The following COL21A1 variants were observed in gnomAD, a reference collection of about 807,000 sequenced individuals.
The protein encoded by COL21A1 is collagen type XXI alpha 1 chain, also known as collagen alpha-1(XXI) chain.
A neutral mutation model predicts 137.9 loss-of-function variants in COL21A1; 149 were observed. The observed-to-expected ratio is 1.08, with a 90% CI of 0.95 to 1.24. The LOEUF is 1.24. Among genes scored for constraint, COL21A1 ranks in the 50% most tolerant of loss-of-function variants. COL21A1 has a pLI of 0.00. For synonymous variants in COL21A1, 456 were observed against 391.5 expected, an observed-to-expected ratio of 1.16 and a Z score of -1.95; for missense variants, 1,167 against 1,158.4, an observed-to-expected ratio of 1.01 and a Z score of -0.11.
intron 16 of COL21A1, among the ~76,000 whole-genome samples, chr6:56,121,772 T>C (rs1399872444): frequency 6.6e-6 from 1 of 151,806 alleles, no homozygotes; most frequent in Non-Finnish European, 1.5e-5. Context: ...TATGCTGCAC[T>C]TTCCATTCAA....
At chr6:56,341,256 C>G (rs952045598) in intron 1 of COL21A1, among the ~76,000 whole-genome samples, 91 of 152,066 alleles carry the variant, frequency 6.0e-4, no homozygotes, top group African/African-American at 1.9e-3. Flanking sequence ...ACAGAAAATC[C>G]AAGAAATTTT....
At position 56,325,932 on chromosome 6, in the gene COL21A1, A is replaced by G. The variant is rs71550512; in HGVS notation, c.-39+68039T>C. Among the ~76,000 whole-genome samples the G allele has an allele frequency of 7.1e-5, 4 of 56,432 alleles. 1 individual carries two copies. Among genetic ancestry groups the G allele is most frequent in the Admixed American group, 8.3e-4 (2 of 2,420 alleles). The allele number at this position is 56,432 out of a possible 152,430, so 37.0% of individuals were successfully genotyped here. On this transcript the variant is annotated intron_variant, in intron 1 of 28. Transcript: ENST00000370819. ...ATAATATATATTATATAATATATAT[A>G]ATATATATTATATATTATATAATAT...
intron 10 of COL21A1, among the ~76,000 whole-genome samples, chr6:56,144,849 T>C (rs1582474261): frequency 6.6e-6 from 1 of 152,346 alleles, no homozygotes; most frequent in African/African-American, 2.4e-5. Flanking sequence ...TGTTTGCCCT[T>C]CCTTTTACTT....
chr6:56,124,041 T>C, intron 16 of COL21A1, 21 bp downstream of exon 16: 2 of 983,538 alleles, frequency 2.0e-6, no homozygotes, highest in Non-Finnish European at 1.3e-6. Context: ...GTTTTGTCCT[T>C]TTTTTTTTTT....
At position 56,182,585 on chromosome 6, in the gene COL21A1, A is replaced by G; in HGVS notation, c.34T>C (p.Leu12=). 6.2e-7 allele frequency: 1 copy of G among 1,605,982 alleles called. No homozygotes were observed. Among genetic ancestry groups the G allele is most frequent in the South Asian group, 1.1e-5 (1 of 89,616 alleles). Residue 12 remains leucine, a synonymous_variant, in exon 2 of 30, where the codon TTG becomes CTG. Transcript: ENST00000244728. ...ACAGAATTCTGAAGAAGCAGCACCA[A>G]AACCATGCAGAGAAATGTAATATAG... ...AHYITFLCMV[L]VLLLQNSVLA...
In COL21A1 at chr6:56,264,401, T is replaced by C. The variant is rs573970787; in HGVS notation, c.-38-81745A>G. Among the ~76,000 whole-genome samples, 182 of 152,328 alleles carry C rather than the reference T, an allele frequency of 1.2e-3. 1 individual carries two copies. The South Asian group carries it at 0.016, about 13-fold the overall frequency. On this transcript the variant is annotated intron_variant, in intron 1 of 28. Transcript: ENST00000370819. ...GGATACTATCCCCTGGCTTTCCTTC[T>C]ACTTCTATGGTGGCTCCTTCTCATT...
chr6:56,285,675 T>C (rs965794718), intron 1 of COL21A1, among the ~76,000 whole-genome samples: 1 of 152,190 alleles, frequency 6.6e-6, no homozygotes, highest in Non-Finnish European at 1.5e-5. Context: ...AATACTTAAC[T>C]GAAAATTTTC....
At chr6:56,091,097 C>A (rs1768776780) in intron 17 of COL21A1, among the ~76,000 whole-genome samples, 1 of 152,156 alleles carries the variant, frequency 6.6e-6, no homozygotes, top group Admixed American at 6.6e-5. Context: ...ACTAGCATCA[C>A]AAAGTAGATT....
chr6:56,209,076 A>C (rs1779983845), intron 1 of COL21A1, among the ~76,000 whole-genome samples: 1 of 152,278 alleles, frequency 6.6e-6, no homozygotes, highest in South Asian at 2.1e-4. Flanking sequence ...AAACCCTAGA[A>C]TAAAACCTTG....
intron 1 of COL21A1, among the ~76,000 whole-genome samples, chr6:56,352,207 A>G (rs78580220): frequency 0.019 from 2,943 of 152,312 alleles, 99 homozygotes; most frequent in African/African-American, 0.065. Flanking sequence ...CAGGATCACT[A>G]TGAATTATTT....
chr6:56,356,788 A>G (rs1765841112), intron 1 of COL21A1, among the ~76,000 whole-genome samples: 1 of 152,216 alleles, frequency 6.6e-6, no homozygotes, highest in Non-Finnish European at 1.5e-5. Flanking sequence ...CTGCTGCCCA[A>G]TTACAAAAAT....
chr6:56,073,632 T>G (rs1425168752), intron 20 of COL21A1, among the ~76,000 whole-genome samples: 1 of 151,466 alleles, frequency 6.6e-6, no homozygotes, highest in Non-Finnish European at 1.5e-5. Context: ...GAAAACAAAA[T>G]AGTTATCGTA....
At chr6:56,346,584 A>C (rs956045682) in intron 1 of COL21A1, among the ~76,000 whole-genome samples, 7 of 152,212 alleles carry the variant, frequency 4.6e-5, no homozygotes, top group Non-Finnish European at 8.8e-5. Context: ...AACACACAAG[A>C]AGCATAGCTT....
At chr6:56,268,747 A>G (rs866557335) in intron 1 of COL21A1, among the ~76,000 whole-genome samples, 18 of 152,190 alleles carry the variant, frequency 1.2e-4, no homozygotes, top group African/African-American at 4.1e-4. Flanking sequence ...CTTACCTCCA[A>G]ACAAGCCCAG....
intron 1 of COL21A1, among the ~76,000 whole-genome samples, chr6:56,192,388 G>T (rs1582606277): frequency 6.6e-6 from 1 of 151,052 alleles, no homozygotes; most frequent in African/African-American, 2.4e-5. Flanking sequence ...CAAAGAAAAA[G>T]AAACTACCAT....
intron 1 of COL21A1, among the ~76,000 whole-genome samples, chr6:56,199,700 G>A (rs566231741): frequency 3.3e-5 from 5 of 152,184 alleles, no homozygotes; most frequent in African/African-American, 1.2e-4. Flanking sequence ...GCCTGATTGG[G>A]TCATATGGTT....
At chr6:56,151,496 G>C (rs1775318756) in intron 10 of COL21A1, among the ~76,000 whole-genome samples, 1 of 152,106 alleles carries the variant, frequency 6.6e-6, no homozygotes, top group Non-Finnish European at 1.5e-5. Context: ...TGTGATAATA[G>C]AGGTTATTTA....
intron 10 of COL21A1, among the ~76,000 whole-genome samples, chr6:56,143,766 A>G (rs1230784866): frequency 1.3e-5 from 2 of 152,176 alleles, no homozygotes; most frequent in Non-Finnish European, 2.9e-5. Context: ...CTGGATTATG[A>G]GCCCCCTTGA....
At chr6:56,244,690 T>G (rs1199158282) in intron 1 of COL21A1, among the ~76,000 whole-genome samples, 1 of 152,184 alleles carries the variant, frequency 6.6e-6, no homozygotes, top group African/African-American at 2.4e-5. Context: ...CATATATGAT[T>G]GGTAATTAGC....
Sources: gnomAD v4.1 joint callset for allele counts (sites outside exome capture counted in the v4.1 genomes callset) on GRCh38, gnomAD v4.1.1 for gene constraint, MANE v1.5 for transcripts, NCBI Gene and HGNC (gene_info 2026-07-23, HGNC 2026-07-21) for gene names.